Variants in GAB3 observed in about 807,000 individuals in gnomAD.
GAB3 encodes the protein GRB2-associated-binding protein 3.
Under a neutral mutation model 40.4 loss-of-function variants are expected in GAB3, and 12 were observed. The ratio of observed to expected loss-of-function variants is 0.30; its 90% CI spans 0.19 to 0.48. The LOEUF is 0.48. Among genes scored for constraint, GAB3 ranks in the 20% least tolerant of loss-of-function variants. The pLI, the probability that GAB3 is intolerant of heterozygous loss-of-function variation, is 0.99. For synonymous variants in GAB3, 154 were observed against 176.7 expected (o/e 0.87, Z 1.02); for missense variants, 381 against 461.9 (o/e 0.82, Z 1.61).
At chrX:154,747,877 A>C (rs782044464) in intron 1 of GAB3, among the ~76,000 whole-genome samples, 171 of 112,616 alleles carry the variant, frequency 1.5e-3, no homozygotes, top group African/African-American at 5.4e-3. Context: ...ATGAAAAGAC[A>C]AAAACTATGG....
intron 1 of GAB3, among the ~76,000 whole-genome samples, chrX:154,723,748 G>A: frequency 9.0e-6 from 1 of 111,517 alleles, no homozygotes. Context: ...CCTGGGTCAA[G>A]AGGATATAGA....
chrX:154,704,909 A>G (rs781849847), intron 4 of GAB3, among the ~76,000 whole-genome samples: 1 of 111,833 alleles, frequency 8.9e-6, no homozygotes, highest in East Asian at 2.8e-4. Context: ...ACCTGAACAA[A>G]CCAATAATGA....
rs149721436 is a variant in GAB3 at position 154,730,339 on chromosome X, T to C, written c.73-14010A>G. ...TCCCCTACCGTGTTTTTCTTGTTCTTGTGTTGCTATTGACATATACTTAGT... is the reference window on the plus strand; with the variant it reads ...TCCCCTACCGTGTTTTTCTTGTTCTCGTGTTGCTATTGACATATACTTAGT... On this transcript the variant is annotated intron_variant, in intron 1 of 9. Transcript: ENST00000424127. Among the ~76,000 whole-genome samples, 855 of 112,445 alleles carry C rather than the reference T, an allele frequency of 7.6e-3. 8 individuals are homozygous for C. The highest frequency in any genetic ancestry group is 0.026 in the African/African-American group (819 of 30,915).
chrX:154,706,707 G>A (rs2070814288), intron 4 of GAB3, among the ~76,000 whole-genome samples: 1 of 109,718 alleles, frequency 9.1e-6, no homozygotes, highest in Non-Finnish European at 1.9e-5. Flanking sequence ...GAGGTCAGGA[G>A]GTTGAGATCA....
rs782331726 is a variant in GAB3, at chrX:154,737,589, C to T, written c.72+13365G>A. 6.2e-5 allele frequency among the ~76,000 whole-genome samples: 7 copies of T among 112,045 alleles called. No individual in the cohort carries two copies. The South Asian group carries it at 2.6e-3, about 41-fold the overall frequency. On this transcript the variant is annotated intron_variant, in intron 1 of 9. Coordinates refer to ENST00000424127, the MANE Select transcript of GAB3 (RefSeq NM_001081573.3). ...AATTTACCCACGGTTACTTCAAACT[C>T]GGTATGTGCCAGCCTGAACGTACCA...
At chrX:154,722,772 A>G (rs1557258912) in intron 1 of GAB3, among the ~76,000 whole-genome samples, 1 of 112,409 alleles carries the variant, frequency 8.9e-6, no homozygotes, top group East Asian at 2.8e-4. Flanking sequence ...GGGGAGAAGA[A>G]GGAGGTTATG....
chrX:154,683,445 G>T lies in GAB3; in HGVS notation c.1531-3197C>A, dbSNP rs921448546. Among the ~76,000 whole-genome samples, 3 of 112,077 alleles carry T rather than the reference G, an allele frequency of 2.7e-5. No homozygotes were observed. The East Asian group carries it at 8.3e-4, about 31-fold the overall frequency. ...TATGTCTAGTATCCCCCAGTGCAGA[G>T]ACCTTTTGTTTTACTCTCTCCAGAG... On this transcript the variant is annotated intron_variant, in intron 8 of 9. Coordinates refer to ENST00000424127, the MANE Select transcript of GAB3 (RefSeq NM_001081573.3).
chrX:154,745,198 G>A (rs1208609991), intron 1 of GAB3, among the ~76,000 whole-genome samples: 1 of 110,736 alleles, frequency 9.0e-6, no homozygotes, highest in South Asian at 3.8e-4. Context: ...CAGGCATGGT[G>A]GCAGGTGCCT....
chrX:154,712,602 G>A lies in GAB3; in HGVS notation c.696C>T (p.Ser232=). The A allele has an allele frequency of 8.7e-7, 1 of 1,142,875 alleles. No individual in the cohort carries two copies. Among genetic ancestry groups the A allele is most frequent in the Non-Finnish European group, 1.2e-6 (1 of 863,344 alleles). The allele number at this position is 1,142,875 out of a possible 1,213,427, so 94.2% of individuals were successfully genotyped here. The change falls in exon 4 of 10, where the codon TCC becomes TCT. Residue 232 remains serine, a synonymous_variant. Coordinates refer to ENST00000424127, the MANE Select transcript of GAB3 (RefSeq NM_001081573.3). ...VFVDCLQPLP[S]SHLVHPSCHG... ...GGCATGAGGGGTGGACCAAATGACT[G>A]GAGGGGAGCGGCTGCAGGCAGTCAA... is the stretch of plus-strand genomic sequence containing the variant.
chrX:154,721,262 T>C (rs2071128064), intron 1 of GAB3, among the ~76,000 whole-genome samples: 1 of 112,424 alleles, frequency 8.9e-6, no homozygotes, highest in Admixed American at 9.4e-5. Context: ...TCCATTTTCT[T>C]TTGCCATAAC....
Position 154,676,242 on chromosome X carries a change from G to A in GAB3, c.*1936C>T, listed in dbSNP as rs781814548. 2 of 111,849 alleles carry A rather than the reference G, an allele frequency of 1.8e-5. No homozygotes were observed. Among genetic ancestry groups the A allele is most frequent in the African/African-American group, 3.2e-5 (1 of 30,782 alleles). 9.2% of individuals were successfully genotyped at this position (111,849 alleles called of 1,213,427 possible). A position where few individuals can be genotyped will look rare whatever the true frequency, so the allele number is the denominator to read the frequency against. Reference sequence around the variant, plus strand: ...TCTTTTCTATCTCCAATCTGGTGTGGTTCTTGACACTTGGGCCTACAATTT... The same window carrying A: ...TCTTTTCTATCTCCAATCTGGTGTGATTCTTGACACTTGGGCCTACAATTT... On this transcript the variant is annotated 3_prime_UTR_variant, in exon 10 of 10. Transcript: ENST00000424127.
chrX:154,735,595 C>T (rs2071354882), intron 1 of GAB3, among the ~76,000 whole-genome samples: 1 of 111,563 alleles, frequency 9.0e-6, no homozygotes, highest in Non-Finnish European at 1.9e-5. Context: ...AAAATCTTAC[C>T]GGTTCTACCT....
chrX:154,730,730 C>T (rs782177757), intron 1 of GAB3, among the ~76,000 whole-genome samples: 1 of 112,140 alleles, frequency 8.9e-6, no homozygotes, highest in Non-Finnish European at 1.9e-5. Flanking sequence ...TGGGAGTTTC[C>T]AGGAGCAGGT....
At chrX:154,750,196 G>A (rs1348721435) in intron 1 of GAB3, among the ~76,000 whole-genome samples, 2 of 112,863 alleles carry the variant, frequency 1.8e-5, no homozygotes, top group Non-Finnish European at 3.7e-5. Context: ...AAAACACTGA[G>A]TAGCAATCAG....
intron 1 of GAB3, among the ~76,000 whole-genome samples, chrX:154,744,212 C>CAAAAAA (rs56796528): frequency 2.6e-4 from 8 of 30,559 alleles, no homozygotes; most frequent in Non-Finnish European, 3.1e-4. Flanking sequence ...GATTCCATCT[C>CAAAAAA]AAAAAAAAAA....
At chrX:154,738,531 G>A (rs782586798) in intron 1 of GAB3, among the ~76,000 whole-genome samples, 4 of 112,245 alleles carry the variant, frequency 3.6e-5, no homozygotes, top group African/African-American at 1.3e-4. Context: ...GTCATTGGAA[G>A]TGTCCAGATA....
intron 1 of GAB3, among the ~76,000 whole-genome samples, chrX:154,724,671 G>A (rs2071186795): frequency 8.9e-6 from 1 of 112,435 alleles, no homozygotes; most frequent in African/African-American, 3.2e-5. Flanking sequence ...GTCTCCTCCA[G>A]GAAGGTGTGT....
intron 1 of GAB3, among the ~76,000 whole-genome samples, chrX:154,725,993 T>C (rs1460179492): frequency 3.6e-5 from 4 of 111,117 alleles, no homozygotes; most frequent in Admixed American, 9.6e-5. Context: ...AATTCAACAC[T>C]CTAAGGAAAG....
At chrX:154,742,199 A>G (rs186791255) in intron 1 of GAB3, among the ~76,000 whole-genome samples, 1 of 112,577 alleles carries the variant, frequency 8.9e-6, no homozygotes, top group Admixed American at 9.4e-5. Context: ...TCTTGAAGTG[A>G]ATAAAACCAA....
Sources: allele counts gnomAD v4.1 joint callset (sites outside exome capture counted in the v4.1 genomes callset), GRCh38; gene constraint gnomAD v4.1.1; transcripts MANE v1.5; gene names NCBI Gene and HGNC (gene_info 2026-07-23, HGNC 2026-07-21).